The following DPP6 variants were observed in gnomAD, a reference collection of about 807,000 sequenced individuals.
The protein encoded by DPP6 is dipeptidyl peptidase like 6.
DPP6 carries 69 observed loss-of-function variants against 122.6 expected under a neutral mutation model. The ratio of observed to expected loss-of-function variants is 0.56; its 90% CI spans 0.46 to 0.69. The LOEUF is 0.69. Ranked by LOEUF, DPP6 falls within the 30% of genes least tolerant of loss-of-function variation. The probability of loss-of-function intolerance (pLI) is 0.00; values close to 1 mark genes in which losing one functional copy is unlikely to be tolerated. For missense variants in DPP6, 928 were observed against 1,116.9 expected (o/e 0.83, Z 2.41); for synonymous variants, 418 against 433.1 (o/e 0.97, Z 0.43).
chr7:154,454,324 C>G (rs532072025), intron 2 of DPP6, among the ~76,000 whole-genome samples: 3 of 152,140 alleles, frequency 2.0e-5, no homozygotes, highest in Non-Finnish European at 4.4e-5. Flanking sequence ...TGGCTGCTGC[C>G]GATGCTACCA....
intron 1 of DPP6, among the ~76,000 whole-genome samples, chr7:154,141,616 T>C (rs999300219): frequency 1.3e-5 from 2 of 152,248 alleles, no homozygotes; most frequent in Admixed American, 6.5e-5. Context: ...TTTCCCTTTC[T>C]TCTGCTTCTG....
intron 1 of DPP6, among the ~76,000 whole-genome samples, chr7:154,315,495 T>C (rs1807356240): frequency 2.0e-5 from 3 of 152,030 alleles, no homozygotes; most frequent in Admixed American, 2.0e-4. Context: ...GTCTGTGGAC[T>C]CCAGGTTGAG....
At chr7:153,788,775 C>A in the DPP6 span, among the ~76,000 whole-genome samples, 1 of 152,148 alleles carries the variant, frequency 6.6e-6, no homozygotes, top group African/African-American at 2.4e-5. Context: ...ACCAGCCTGA[C>A]CAATATGGTG....
intron 1 of DPP6, among the ~76,000 whole-genome samples, chr7:154,381,464 T>C (rs766756565): frequency 1.3e-5 from 2 of 152,216 alleles, no homozygotes; most frequent in Non-Finnish European, 2.9e-5. Context: ...TATGTATAGC[T>C]GTGTGAGAGG....
At chr7:154,313,568 G>A (rs931566907) in intron 1 of DPP6, among the ~76,000 whole-genome samples, 4 of 150,948 alleles carry the variant, frequency 2.6e-5, no homozygotes, top group Non-Finnish European at 4.4e-5. Flanking sequence ...ATCTAGGCAT[G>A]TTTTGATAGG....
intron 1 of DPP6, among the ~76,000 whole-genome samples, chr7:154,229,456 G>C (rs1040580995): frequency 6.6e-6 from 1 of 152,136 alleles, no homozygotes; most frequent in Non-Finnish European, 1.5e-5. Context: ...AGAAGTTGAA[G>C]CAATTGAGAT....
At chr7:154,066,783 G>A (rs1266589181) in intron 1 of DPP6, among the ~76,000 whole-genome samples, 1 of 152,104 alleles carries the variant, frequency 6.6e-6, no homozygotes, top group Non-Finnish European at 1.5e-5. Context: ...CCTGATGCAA[G>A]GCTGACACCA....
At chr7:154,349,059 G>A (rs927557638) in intron 1 of DPP6, among the ~76,000 whole-genome samples, 10 of 152,362 alleles carry the variant, frequency 6.6e-5, no homozygotes, top group Middle Eastern at 3.4e-3. Flanking sequence ...GGAGCACAGA[G>A]GGGTCCACAG....
chr7:154,309,770 A>G (rs1487092293), intron 1 of DPP6, among the ~76,000 whole-genome samples: 1 of 152,252 alleles, frequency 6.6e-6, no homozygotes, highest in African/African-American at 2.4e-5. Context: ...TAGGAAGTGC[A>G]CATAACTATT....
At chr7:153,749,641 C>T in the DPP6 span, among the ~76,000 whole-genome samples, 4 of 152,192 alleles carry the variant, frequency 2.6e-5, no homozygotes, top group African/African-American at 9.6e-5. The surrounding 1 kb of genome is among the most constrained non-coding windows in gnomAD (Gnocchi z 4.1). Context: ...TTTACTCCCA[C>T]GCGCAAAAAA....
chr7:153,936,622 C>T (rs1015104383), intron 1 of DPP6, among the ~76,000 whole-genome samples: 7 of 151,276 alleles, frequency 4.6e-5, no homozygotes, highest in Middle Eastern at 3.4e-3. Context: ...CTGGCTAACA[C>T]GGTGAAACCC....
chr7:154,686,265 A>T (rs1319886112), intron 7 of DPP6, among the ~76,000 whole-genome samples: 3 of 152,218 alleles, frequency 2.0e-5, no homozygotes, highest in Admixed American at 2.0e-4. Flanking sequence ...CGAACTCTTA[A>T]GTCTGGACTC....
intron 1 of DPP6, among the ~76,000 whole-genome samples, chr7:154,230,143 C>G (rs1800838174): frequency 6.6e-6 from 1 of 152,060 alleles, no homozygotes; most frequent in African/African-American, 2.4e-5. Flanking sequence ...GCACCCTCCT[C>G]CAACCCCTCC....
chr7:154,541,654 A>G (rs1828739532), intron 4 of DPP6, among the ~76,000 whole-genome samples: 2 of 152,218 alleles, frequency 1.3e-5, no homozygotes, highest in East Asian at 1.9e-4. Flanking sequence ...GGACAGAACT[A>G]AGGTTAAAGC....
chr7:154,234,111 G>C (rs1211666399), intron 1 of DPP6, among the ~76,000 whole-genome samples: 1 of 152,212 alleles, frequency 6.6e-6, no homozygotes, highest in African/African-American at 2.4e-5. Flanking sequence ...AGGTGATGAA[G>C]CAGTGAATTA....
At chr7:153,898,268 C>T (rs561398214) in intron 1 of DPP6, among the ~76,000 whole-genome samples, 13 of 152,184 alleles carry the variant, frequency 8.5e-5, no homozygotes, top group Admixed American at 2.6e-4. Context: ...GCCTGGGCCA[C>T]ACAACAAGAC....
In DPP6 at chr7:154,363,594, C is replaced by T. The variant is rs868500725; in HGVS notation, c.244-82620C>T. 5.9e-5 allele frequency among the ~76,000 whole-genome samples: 9 copies of T among 152,228 alleles called. No individual in the cohort carries two copies. In the South Asian group the frequency reaches 8.3e-4, roughly 14 times the overall value. ...CTGTGGCCCCCATGGGTGATTGGTC[C>T]CCTCTGTCTGAGCACGTGCGCGGAA... is the stretch of plus-strand genomic sequence containing the variant. On this transcript the variant is annotated intron_variant, in intron 1 of 25. Coordinates refer to ENST00000377770, the MANE Select transcript of DPP6 (RefSeq NM_130797.4).
rs985646191 is a variant in DPP6 at position 154,486,840 on chromosome 7, G to A, written c.457+11803G>A. On this transcript the variant is annotated intron_variant, in intron 3 of 25. Transcript: ENST00000377770. The surrounding 1 kb of genome is among the most constrained non-coding windows in gnomAD (Gnocchi z 4.5). ...AGGTGCTGTAGGTCCTCTGCCTGTA[G>A]GTCCTCTGGGCGGACTCTAGTTCCT... 1.3e-5 allele frequency among the ~76,000 whole-genome samples: 2 copies of A among 152,168 alleles called. No homozygotes were observed. Among genetic ancestry groups the A allele is most frequent in the African/African-American group, 2.4e-5 (1 of 41,424 alleles).
At chr7:154,422,896 A>T (rs1178439457) in intron 1 of DPP6, among the ~76,000 whole-genome samples, 1 of 152,182 alleles carries the variant, frequency 6.6e-6, no homozygotes. Context: ...TAAATAAATT[A>T]CTTTTTCGTA....
Sources: allele counts gnomAD v4.1 joint callset (sites outside exome capture counted in the v4.1 genomes callset), GRCh38; gene constraint gnomAD v4.1.1; non-coding constraint Gnocchi (gnomAD v3.1); transcripts MANE v1.5; gene names NCBI Gene and HGNC (gene_info 2026-07-23, HGNC 2026-07-21).